NELL1: variants seen among roughly 807,000 people sequenced by gnomAD.
NELL1 encodes the protein neural EGFL like 1, also known as protein kinase C-binding protein NELL1.
In NELL1, 76 loss-of-function variants were observed where a neutral mutation model predicts 107.4. The observed-to-expected ratio is 0.71, with a 90% confidence interval of 0.59 to 0.86. The LOEUF is 0.86. Ranked by LOEUF, NELL1 falls within the 40% of genes least tolerant of loss-of-function variation. The probability of loss-of-function intolerance (pLI) is 0.00; values close to 1 mark genes in which losing one functional copy is unlikely to be tolerated. For synonymous variants in NELL1, 353 were observed against 341.2 expected, an observed-to-expected ratio of 1.03 and a Z score of -0.38; for missense variants, 1,024 against 1,005.5, an observed-to-expected ratio of 1.02 and a Z score of -0.25.
intron 15 of NELL1, among the ~76,000 whole-genome samples, chr11:21,526,435 C>CA (rs1855857703): frequency 3.3e-5 from 5 of 152,196 alleles, no homozygotes; most frequent in African/African-American, 1.2e-4. Flanking sequence ...ATCTACCATT[C>CA]TGGGGTCTGG....
At chr11:21,438,782 C>A (rs1015626546) in intron 15 of NELL1, among the ~76,000 whole-genome samples, 8 of 151,776 alleles carry the variant, frequency 5.3e-5, no homozygotes, top group Non-Finnish European at 7.4e-5. Context: ...TTGAATTTTA[C>A]AGTTCTGGGA....
chr11:20,896,529 G>T (rs1029055247), intron 5 of NELL1, among the ~76,000 whole-genome samples: 1 of 151,952 alleles, frequency 6.6e-6, no homozygotes, highest in Non-Finnish European at 1.5e-5. Context: ...TTCCACTTTT[G>T]GTTCTTTAAA....
At chr11:21,195,228 A>G (rs1278285255) in intron 13 of NELL1, among the ~76,000 whole-genome samples, 1 of 152,190 alleles carries the variant, frequency 6.6e-6, no homozygotes. Context: ...CCATATGAGA[A>G]TAAGCAATAC....
At chr11:20,890,190 T>C (rs1420374204) in intron 5 of NELL1, among the ~76,000 whole-genome samples, 2 of 151,992 alleles carry the variant, frequency 1.3e-5, no homozygotes, top group Non-Finnish European at 2.9e-5. Flanking sequence ...AAGTGACATC[T>C]CCAGGCATGG....
At position 21,231,772 on chromosome 11, in the gene NELL1, C is replaced by T. The variant is rs184898968; in HGVS notation, c.1549+2318C>T. Among the ~76,000 whole-genome samples the T allele has an allele frequency of 2.8e-3, 420 of 152,208 alleles. 2 individuals are homozygous for T. The highest frequency in any genetic ancestry group is 9.7e-3 in the African/African-American group (403 of 41,542). On this transcript the variant is annotated intron_variant, in intron 14 of 19. Coordinates refer to ENST00000357134, the MANE Select transcript of NELL1 (RefSeq NM_006157.5). ...CAGACTGTGAGGGGAAACATATCTT[C>T]CCTTGAAAGTTATGAATTAGGGAAA...
chr11:21,155,351 G>A (rs1439471064), intron 13 of NELL1, among the ~76,000 whole-genome samples: 3 of 152,114 alleles, frequency 2.0e-5, no homozygotes, highest in Non-Finnish European at 2.9e-5. Flanking sequence ...GAGGCACTGA[G>A]TGTAGAGATG....
chr11:20,755,562 G>GTTT (rs869257918), intron 2 of NELL1, among the ~76,000 whole-genome samples: 1,110 of 25,934 alleles, frequency 0.043, 35 homozygotes, highest in African/African-American at 0.068. Context: ...TTTTGTTTTT[G>GTTT]TTTTTTTTTT....
chr11:21,503,466 C>T lies in NELL1; in HGVS notation c.1646-30908C>T, dbSNP rs1323582536. On this transcript the variant is annotated intron_variant, in intron 15 of 19. Coordinates refer to ENST00000357134, the MANE Select transcript of NELL1 (RefSeq NM_006157.5). ...AAGAATTCTGGGTTTGAGTCTTGTTCTGTCTCACTTTTGCTATTTTTCTTG... is the reference window on the plus strand; with the variant it reads ...AAGAATTCTGGGTTTGAGTCTTGTTTTGTCTCACTTTTGCTATTTTTCTTG... 4.6e-5 allele frequency among the ~76,000 whole-genome samples: 7 copies of T among 152,246 alleles called. No individual in the cohort carries two copies. The East Asian group carries it at 1.4e-3, about 29-fold the overall frequency.
At chr11:20,960,348 T>A (rs2280584) in intron 11 of NELL1, 84 bp from the exon 12 acceptor site, 1 of 1,358,524 alleles carries the variant, frequency 7.4e-7, no homozygotes, top group Non-Finnish European at 1.0e-6. Context: ...TAGTGACATA[T>A]AATAAAAAAT....
At chr11:21,135,817 A>G (rs559899450) in intron 13 of NELL1, among the ~76,000 whole-genome samples, 2 of 151,800 alleles carry the variant, frequency 1.3e-5, no homozygotes, top group Non-Finnish European at 3.0e-5. Context: ...TCATATGGTT[A>G]TATAGATTTG....
chr11:20,983,150 C>T (rs1271249248), intron 12 of NELL1, among the ~76,000 whole-genome samples: 1 of 152,144 alleles, frequency 6.6e-6, no homozygotes, highest in African/African-American at 2.4e-5. Flanking sequence ...GTTTATAGTT[C>T]TGTATCAGTA....
intron 2 of NELL1, among the ~76,000 whole-genome samples, chr11:20,737,922 C>T (rs562180055): frequency 2.0e-5 from 3 of 150,338 alleles, no homozygotes; most frequent in South Asian, 4.3e-4. Flanking sequence ...TATGTTTATA[C>T]GTGGATTTGT....
In NELL1 at chr11:21,453,165, C is replaced by CATT. The variant is rs74699940; in HGVS notation, c.1646-81208_1646-81206dup. On this transcript the variant is annotated intron_variant, in intron 15 of 19. Transcript: ENST00000357134. ...TGTTCAAGTCTTCCATATTATTGCT[C>CATT]ATTTATTTTCTACTTGCTCTAACAA... Among the ~76,000 whole-genome samples, 3,309 of 152,128 alleles carry CATT rather than the reference C, an allele frequency of 0.022. 285 individuals are homozygous for CATT. The East Asian group carries it at 0.29, about 13-fold the overall frequency.
intron 11 of NELL1, among the ~76,000 whole-genome samples, chr11:20,960,156 AG>A (rs1490616978): frequency 1.3e-5 from 2 of 152,158 alleles, no homozygotes; most frequent in African/African-American, 4.8e-5. Flanking sequence ...GTAAGAATGT[AG>A]TGAGAAGAGG....
At chr11:21,264,140 G>T (rs978579661) in intron 14 of NELL1, among the ~76,000 whole-genome samples, 3 of 147,174 alleles carry the variant, frequency 2.0e-5, no homozygotes, top group Non-Finnish European at 4.5e-5. Flanking sequence ...TAGGAATAGG[G>T]GTGGGAGGGG....
intron 13 of NELL1, among the ~76,000 whole-genome samples, chr11:21,194,338 T>G (rs1037292922): frequency 2.0e-5 from 3 of 152,102 alleles, no homozygotes; most frequent in Non-Finnish European, 4.4e-5. Context: ...GCTTGGTTGT[T>G]TTTTCCCAAT....
intron 13 of NELL1, among the ~76,000 whole-genome samples, chr11:21,223,773 G>A (rs1276555103): frequency 6.6e-6 from 1 of 152,130 alleles, no homozygotes; most frequent in African/African-American, 2.4e-5. Flanking sequence ...TTTCATGAAA[G>A]TATATGACTC....
At chr11:20,767,037 C>T (rs1856547352) in intron 2 of NELL1, among the ~76,000 whole-genome samples, 1 of 152,200 alleles carries the variant, frequency 6.6e-6, no homozygotes, top group Non-Finnish European at 1.5e-5. Context: ...AGCCACTGGG[C>T]ACGGCTGCTG....
At chr11:21,543,681 A>G (rs1591022340) in intron 16 of NELL1, among the ~76,000 whole-genome samples, 2 of 152,138 alleles carry the variant, frequency 1.3e-5, no homozygotes, top group East Asian at 3.9e-4. Context: ...GTCCTGCCAT[A>G]CATAGATAAG....
Sources: allele counts gnomAD v4.1 joint callset (sites outside exome capture counted in the v4.1 genomes callset), GRCh38; gene constraint gnomAD v4.1.1; transcripts MANE v1.5; gene names NCBI Gene and HGNC (gene_info 2026-07-23, HGNC 2026-07-21).